Variants in RGS6 observed in about 807,000 individuals in gnomAD.
RGS6 encodes the protein regulator of G-protein signaling 6.
RGS6 carries 30 observed loss-of-function variants against 78.5 expected under a neutral mutation model. The ratio of observed to expected loss-of-function variants is 0.38; its 90% CI spans 0.29 to 0.52. The LOEUF is 0.52. RGS6 is among the 20% of genes least tolerant of loss of function. The pLI is 0.85. For synonymous variants in RGS6, 206 were observed against 206.0 expected (o/e 1.00, Z 0.00); for missense variants, 495 against 609.7 (o/e 0.81, Z 1.98).
intron 2 of RGS6, among the ~76,000 whole-genome samples, chr14:72,008,830 C>T (rs541654377): frequency 6.6e-6 from 1 of 152,292 alleles, no homozygotes; most frequent in East Asian, 1.9e-4. Context: ...TAGAAAAAAA[C>T]TGCTGTAGGC....
intron 2 of RGS6, among the ~76,000 whole-genome samples, chr14:72,111,117 G>T (rs759189901): frequency 6.6e-6 from 1 of 152,142 alleles, no homozygotes; most frequent in Non-Finnish European, 1.5e-5. Flanking sequence ...TTGGAGAAGA[G>T]GGCTTAGATT....
intron 2 of RGS6, among the ~76,000 whole-genome samples, chr14:72,031,203 A>C (rs2090832768): frequency 6.6e-6 from 1 of 152,098 alleles, no homozygotes; most frequent in South Asian, 2.1e-4. Flanking sequence ...TTCCCCCTGA[A>C]ATTTTTTATT....
intron 3 of RGS6, among the ~76,000 whole-genome samples, chr14:72,437,861 G>C (rs2095010534): frequency 6.6e-6 from 1 of 152,226 alleles, no homozygotes; most frequent in Non-Finnish European, 1.5e-5. Context: ...CTGCTCCTAA[G>C]TTGCACAAGA....
chr14:72,532,205 A>G (rs1047733068), intron 15 of RGS6, among the ~76,000 whole-genome samples: 1 of 152,242 alleles, frequency 6.6e-6, no homozygotes, highest in Non-Finnish European at 1.5e-5. Flanking sequence ...TTCTTGCAAC[A>G]TTAAGCTTTT....
At chr14:72,346,208 TAGTTTGCTATACTTTA>T (rs1328100461) in intron 2 of RGS6, among the ~76,000 whole-genome samples, 1 of 152,230 alleles carries the variant, frequency 6.6e-6, no homozygotes, top group Non-Finnish European at 1.5e-5. Flanking sequence ...AATCACAATA[TAGTTTGCTATACTTTA>T]AGTTTTTAAC....
intron 2 of RGS6, among the ~76,000 whole-genome samples, chr14:72,154,951 A>G (rs2096749083): frequency 1.3e-5 from 2 of 152,244 alleles, no homozygotes; most frequent in Non-Finnish European, 2.9e-5. Context: ...GGCACCATTT[A>G]GGAGCGGGCG....
At chr14:72,118,170 C>T (rs371911003) in intron 2 of RGS6, among the ~76,000 whole-genome samples, 1 of 149,870 alleles carries the variant, frequency 6.7e-6, no homozygotes, top group Non-Finnish European at 1.5e-5. Context: ...AAAAAAAAAA[C>T]AACAAAAAAC....
chr14:72,160,187 G>C (rs1359919387), intron 2 of RGS6, among the ~76,000 whole-genome samples: 1 of 152,180 alleles, frequency 6.6e-6, no homozygotes, highest in Non-Finnish European at 1.5e-5. Context: ...TGGGCAACTG[G>C]AAATGCCCAT....
chr14:72,353,241 T>C (rs2079488031), intron 3 of RGS6, among the ~76,000 whole-genome samples: 1 of 152,234 alleles, frequency 6.6e-6, no homozygotes, highest in Non-Finnish European at 1.5e-5. Flanking sequence ...AAAACTTGTA[T>C]GTAAGGGTTT....
the RGS6 span, among the ~76,000 whole-genome samples, chr14:71,885,920 TTCCC>T: frequency 6.6e-6 from 1 of 151,820 alleles, no homozygotes; most frequent in Non-Finnish European, 1.5e-5. Flanking sequence ...TCTTTCTTCT[TTCCC>T]TCCCTCCCAC....
At chr14:72,544,368 C>T (rs1384636234) in intron 17 of RGS6, among the ~76,000 whole-genome samples, 1 of 152,178 alleles carries the variant, frequency 6.6e-6, no homozygotes, top group Non-Finnish European at 1.5e-5. Context: ...GTGTCAGCCT[C>T]CCTGGGTACC....
At chr14:72,023,548 G>C (rs2089190590) in intron 2 of RGS6, among the ~76,000 whole-genome samples, 1 of 152,220 alleles carries the variant, frequency 6.6e-6, no homozygotes, top group Non-Finnish European at 1.5e-5. Flanking sequence ...AAGGCAACTG[G>C]AACGTTTCTC....
chr14:72,540,731 C>T, intron 17 of RGS6: 1 of 1,310,236 alleles, frequency 7.6e-7, no homozygotes, highest in Admixed American at 2.2e-5. Flanking sequence ...GTAGCTGAAT[C>T]CCTGCGGTGT....
intron 12 of RGS6, among the ~76,000 whole-genome samples, chr14:72,489,169 C>T (rs958119477): frequency 2.2e-5 from 3 of 136,986 alleles, no homozygotes; most frequent in African/African-American, 8.2e-5. Context: ...CCCCCACCGG[C>T]TGTTTGCTCA....
At chr14:72,209,867 G>A (rs934233742) in intron 2 of RGS6, among the ~76,000 whole-genome samples, 2 of 152,194 alleles carry the variant, frequency 1.3e-5, no homozygotes. Context: ...TCTTTCTTAA[G>A]AAAGCACTCT....
intron 2 of RGS6, among the ~76,000 whole-genome samples, chr14:72,251,774 G>A (rs896960721): frequency 6.6e-6 from 1 of 152,088 alleles, no homozygotes; most frequent in Non-Finnish European, 1.5e-5. Flanking sequence ...CACTACCTGG[G>A]CAATAGGATT....
intron 2 of RGS6, among the ~76,000 whole-genome samples, chr14:72,118,549 G>T (rs2095965522): frequency 6.6e-6 from 1 of 152,164 alleles, no homozygotes; most frequent in Non-Finnish European, 1.5e-5. Context: ...AAATAGAGAA[G>T]TAGACAGAAA....
the RGS6 span, among the ~76,000 whole-genome samples, chr14:71,909,576 T>TAGAG: frequency 0.17 from 24,944 of 146,014 alleles, 2,379 homozygotes; most frequent in East Asian, 0.39. Context: ...AATAAGGACA[T>TAGAG]AGAGAGAGGG....
At chr14:72,040,031 T>C (rs560245219) in intron 2 of RGS6, among the ~76,000 whole-genome samples, 20 of 152,234 alleles carry the variant, frequency 1.3e-4, no homozygotes, top group African/African-American at 4.1e-4. Context: ...AAATTATACC[T>C]TTTTATATTG....
Sources: allele counts gnomAD v4.1 joint callset (sites outside exome capture counted in the v4.1 genomes callset), GRCh38; gene constraint gnomAD v4.1.1; transcripts MANE v1.5; gene names NCBI Gene and HGNC (gene_info 2026-07-23, HGNC 2026-07-21).